CBL: variants seen among roughly 807,000 people sequenced by gnomAD.
CBL encodes the protein E3 ubiquitin-protein ligase CBL.
In CBL, 45 loss-of-function variants were observed where a neutral mutation model predicts 96.9. The ratio of observed to expected loss-of-function variants is 0.46; its 90% CI spans 0.37 to 0.60. The LOEUF is 0.60. CBL is among the 20% of genes least tolerant of loss of function. The pLI is 0.00. For missense variants in CBL, 1,024 were observed against 1,143.5 expected (o/e 0.90, Z 1.51); for synonymous variants, 420 against 426.8 (o/e 0.98, Z 0.20).
At chr11:119,290,097 G>A (rs1039308595) in intron 12 of CBL, among the ~76,000 whole-genome samples, 1 of 152,034 alleles carries the variant, frequency 6.6e-6, no homozygotes, top group African/African-American at 2.4e-5. Flanking sequence ...CCAGGCTGGA[G>A]TGCAGTGGCG....
intron 12 of CBL, among the ~76,000 whole-genome samples, chr11:119,291,747 T>C (rs1950028189): frequency 6.6e-6 from 1 of 152,374 alleles, no homozygotes; most frequent in African/African-American, 2.4e-5. Flanking sequence ...ATGATAATGC[T>C]TATTTTCCTA....
intron 12 of CBL, among the ~76,000 whole-genome samples, chr11:119,288,500 A>G (rs1565875131): frequency 6.6e-6 from 1 of 152,010 alleles, no homozygotes; most frequent in Non-Finnish European, 1.5e-5. Flanking sequence ...GAGAGCACGC[A>G]CAAGCTCTCT....
chr11:119,281,860 G>A (rs1949937102), intron 9 of CBL, among the ~76,000 whole-genome samples: 1 of 151,892 alleles, frequency 6.6e-6, no homozygotes, highest in Non-Finnish European at 1.5e-5. Flanking sequence ...GGGTATTTTT[G>A]GTTTGTTTGT....
chr11:119,221,852 T>A (rs773098165), intron 1 of CBL, among the ~76,000 whole-genome samples: 2 of 152,084 alleles, frequency 1.3e-5, no homozygotes, highest in Non-Finnish European at 2.9e-5. Context: ...AATTTGAAGC[T>A]TTAAGAGACT....
chr11:119,209,767 T>C (rs58349744), intron 1 of CBL, among the ~76,000 whole-genome samples: 2,303 of 152,342 alleles, frequency 0.015, 52 homozygotes, highest in African/African-American at 0.052. Flanking sequence ...CACTGGGAGC[T>C]GTTAGTCTCT....
At chr11:119,261,677 A>T (rs536129818) in intron 2 of CBL, among the ~76,000 whole-genome samples, 1 of 152,212 alleles carries the variant, frequency 6.6e-6, no homozygotes, top group East Asian at 1.9e-4. Flanking sequence ...TATGCTTTCA[A>T]TTGTGGGCAA....
intron 2 of CBL, among the ~76,000 whole-genome samples, chr11:119,255,700 A>G (rs1949706062): frequency 6.6e-6 from 1 of 152,072 alleles, no homozygotes; most frequent in African/African-American, 2.4e-5. Flanking sequence ...TGTATTTGTG[A>G]ACAGTTTGTA....
intron 2 of CBL, among the ~76,000 whole-genome samples, chr11:119,238,822 G>A (rs1413862770): frequency 6.6e-6 from 1 of 152,076 alleles, no homozygotes; most frequent in African/African-American, 2.4e-5. Context: ...CGGAGCGAGA[G>A]TTCATCTCAA....
Position 119,305,166 on chromosome 11 carries a change from C to A in CBL, c.*5385C>A, listed in dbSNP as rs1454667992. The A allele has an allele frequency of 1.3e-5, 3 of 225,868 alleles. No individual in the cohort carries two copies. The highest frequency in any genetic ancestry group is 6.7e-5 in the African/African-American group (3 of 44,968). The allele number at this position is 225,868 out of a possible 1,614,324, so 14.0% of individuals were successfully genotyped here. ...TGGACAGGAAGGCACAGGAGTTTGT[C>A]TGGGACATCATAGAAATTCTTAGGT... On this transcript the variant is annotated 3_prime_UTR_variant, in exon 16 of 16. Transcript: ENST00000264033.
At position 119,302,071 on chromosome 11, in the gene CBL, G is replaced by T; in HGVS notation, c.*2290G>T. On this transcript the variant is annotated 3_prime_UTR_variant, in exon 16 of 16. Transcript: ENST00000264033. Reference sequence around the variant, plus strand: ...ATTATCTCCCTACTGTGTAGGTTAAGGGCAGTCTCGACTTTTCCTTTTTTG... The same window carrying T: ...ATTATCTCCCTACTGTGTAGGTTAATGGCAGTCTCGACTTTTCCTTTTTTG... The T allele has an allele frequency of 4.3e-6, 1 of 233,010 alleles. No individual in the cohort carries two copies. Among genetic ancestry groups the T allele is most frequent in the Non-Finnish European group, 8.5e-6 (1 of 117,904 alleles). The allele number at this position is 233,010 out of a possible 1,614,324, so 14.4% of individuals were successfully genotyped here. A position where few individuals can be genotyped will look rare whatever the true frequency, so the allele number is the denominator to read the frequency against.
chr11:119,247,739 C>T (rs966372409), intron 2 of CBL, among the ~76,000 whole-genome samples: 2 of 152,056 alleles, frequency 1.3e-5, no homozygotes, highest in Admixed American at 1.3e-4. Context: ...TGAAACCCGG[C>T]AGGCAGGGGT....
intron 1 of CBL, among the ~76,000 whole-genome samples, chr11:119,209,325 C>T (rs1949298824): frequency 2.0e-5 from 3 of 152,092 alleles, no homozygotes; most frequent in African/African-American, 7.2e-5. Context: ...TTCTTTTTAA[C>T]AAAATTTCTG....
intron 9 of CBL, 40 bp from the exon 10 acceptor site, chr11:119,284,929 C>T: frequency 6.2e-7 from 1 of 1,612,432 alleles, no homozygotes; most frequent in Non-Finnish European, 8.5e-7. Flanking sequence ...TGCCATTTCC[C>T]CAAACGAAAG....
chr11:119,254,996 T>TAC (rs1949700349), intron 2 of CBL, among the ~76,000 whole-genome samples: 1 of 152,154 alleles, frequency 6.6e-6, no homozygotes, highest in Non-Finnish European at 1.5e-5. Context: ...TAGGAGCAGG[T>TAC]ACACAGTTCT....
chr11:119,244,580 A>AGTTTTTTTTTTTTTTTTTT (rs1949610774), intron 2 of CBL, among the ~76,000 whole-genome samples: 1 of 87,204 alleles, frequency 1.1e-5, no homozygotes, highest in Non-Finnish European at 2.2e-5. Context: ...ATGCCCGGCT[A>AGTTTTTTTTTTTTTTTTTT]ATTTTTTTTT....
chr11:119,264,480 T>TTC, intron 2 of CBL, among the ~76,000 whole-genome samples: 1 of 141,316 alleles, frequency 7.1e-6, no homozygotes, highest in African/African-American at 2.6e-5. Context: ...CTTTTCTCTT[T>TTC]TCTTTTCTTT....
intron 2 of CBL, among the ~76,000 whole-genome samples, chr11:119,269,305 G>T: frequency 6.8e-6 from 1 of 146,606 alleles, no homozygotes; most frequent in African/African-American, 2.5e-5. Flanking sequence ...GGAGTGCAGT[G>T]GTGCAATCTC....
At chr11:119,240,211 C>G (rs1949574119) in intron 2 of CBL, among the ~76,000 whole-genome samples, 1 of 151,818 alleles carries the variant, frequency 6.6e-6, no homozygotes, top group South Asian at 2.1e-4. Context: ...ACGAGAATTG[C>G]TTGAACTCGG....
chr11:119,297,397 G>T lies in CBL; in HGVS notation c.2167G>T (p.Asp723Tyr). 1 of 1,613,066 alleles carries T rather than the reference G, an allele frequency of 6.2e-7. No homozygotes were observed. The highest frequency in any genetic ancestry group is 1.1e-5 in the South Asian group (1 of 90,986). ...CTTCTGGTTCAGAGCATGTGATTGC[G>T]ACCAGCAGATTGATAGCTGTACGTA... ...TSQSSRACDCDQQIDSCTYEA... is the reference protein window; with the variant it reads ...TSQSSRACDCYQQIDSCTYEA... The change falls in exon 14 of 16, where the codon GAC (aspartate) becomes TAC (tyrosine). Residue 723 changes from aspartate (D) to tyrosine (Y), a missense_variant. By Grantham distance (160) the Asp-to-Tyr change is radical (BLOSUM62 -3). Around this residue, in one of 4 missense-constraint regions of CBL, gnomAD observed 695 missense variants for 661.6 expected, o/e 1.05. Transcript: ENST00000264033.
Sources: gnomAD v4.1 joint callset for allele counts (sites outside exome capture counted in the v4.1 genomes callset) on GRCh38, gnomAD v4.1.1 for gene constraint, gnomAD v4.1.1 regional missense constraint, MANE v1.5 for transcripts, NCBI Gene and HGNC (gene_info 2026-07-23, HGNC 2026-07-21) for gene names.